PRKCE: variants seen among roughly 807,000 people sequenced by gnomAD.
PRKCE encodes protein kinase C epsilon, also known as protein kinase C epsilon type.
PRKCE carries 16 observed loss-of-function variants against 85.4 expected under a neutral mutation model. The observed-to-expected ratio is 0.19, with a 90% confidence interval of 0.13 to 0.28. The LOEUF (loss-of-function observed/expected upper bound fraction) is 0.28, where lower values mean the gene tolerates loss of function less well. Ranked by LOEUF, PRKCE falls within the 10% of genes least tolerant of loss-of-function variation. PRKCE has a pLI of 1.00. For missense variants in PRKCE, 573 were observed against 975.2 expected (o/e 0.59, Z 5.49); for synonymous variants, 388 against 371.5 (o/e 1.04, Z -0.51).
intron 8 of PRKCE, among the ~76,000 whole-genome samples, chr2:46,005,748 C>G (rs1705135172): frequency 1.3e-5 from 2 of 152,192 alleles, no homozygotes; most frequent in Admixed American, 6.5e-5. Flanking sequence ...AATAATTGGT[C>G]TCAGTCCCTC....
intron 10 of PRKCE, among the ~76,000 whole-genome samples, chr2:46,017,661 C>T (rs947841739): frequency 3.3e-5 from 5 of 152,206 alleles, no homozygotes; most frequent in African/African-American, 1.2e-4. Context: ...ATTTTACATT[C>T]CCATCAACAG....
chr2:46,119,851 G>A (rs955800492), intron 11 of PRKCE, among the ~76,000 whole-genome samples: 6 of 152,178 alleles, frequency 3.9e-5, no homozygotes, highest in Admixed American at 6.5e-5. Context: ...CTCAACTCCC[G>A]TTGCTAGAAT....
At chr2:45,973,851 T>C (rs1054634373) in intron 2 of PRKCE, among the ~76,000 whole-genome samples, 3 of 152,216 alleles carry the variant, frequency 2.0e-5, no homozygotes, top group African/African-American at 7.2e-5. Flanking sequence ...GAAAATTAGA[T>C]TGGACCCATC....
At chr2:46,023,840 C>A (rs1230835295) in intron 10 of PRKCE, among the ~76,000 whole-genome samples, 2 of 152,114 alleles carry the variant, frequency 1.3e-5, no homozygotes, top group African/African-American at 2.4e-5. Context: ...GGCCAGTCAC[C>A]ACCTTCAATT....
rs1371770598 is a variant in PRKCE, at chr2:45,652,501, G to A, written c.348+53G>A. On this transcript the variant is annotated intron_variant, in intron 1 of 14. Coordinates refer to ENST00000306156, the MANE Select transcript of PRKCE (RefSeq NM_005400.3). This position sits in a 1 kb window ranked among gnomAD's most constrained non-coding sequence, Gnocchi z 7.7. ...GGGAACCCGGTTGTGGGGTCCCGGG[G>A]AAAGACTCGCTGGTCTTGATCGTAG... 12 of 1,480,312 alleles carry A rather than the reference G, an allele frequency of 8.1e-6. No homozygotes were observed. Among genetic ancestry groups the A allele is most frequent in the Non-Finnish European group, 9.1e-6 (10 of 1,097,612 alleles). The allele number at this position is 1,480,312 out of a possible 1,614,324, so 91.7% of individuals were successfully genotyped here. A position where few individuals can be genotyped will look rare whatever the true frequency, so the allele number is the denominator to read the frequency against.
At chr2:45,979,704 T>TG (rs1160881191) in intron 4 of PRKCE, among the ~76,000 whole-genome samples, 1 of 152,136 alleles carries the variant, frequency 6.6e-6, no homozygotes, top group Non-Finnish European at 1.5e-5. Flanking sequence ...TGCTGTTCCT[T>TG]GGGGTAACAC....
intron 1 of PRKCE, among the ~76,000 whole-genome samples, chr2:45,716,718 G>GGAAA (rs1428322877): frequency 3.6e-5 from 2 of 54,968 alleles, no homozygotes; most frequent in African/African-American, 1.4e-4. Context: ...AAGGAAGGAA[G>GGAAA]GAAGGAAGGA....
rs1680443124 is a variant in PRKCE, at chr2:45,719,623, T to C, written c.348+67175T>C. On this transcript the variant is annotated intron_variant, in intron 1 of 14. Transcript: ENST00000306156. ...AATATGTATTTTGAGGTGTGGCACA[T>C]CTGAAATCTATGCACATAATACATG... 2.0e-5 allele frequency among the ~76,000 whole-genome samples: 3 copies of C among 152,148 alleles called. No homozygotes were observed. In the South Asian group the frequency reaches 6.2e-4, roughly 31 times the overall value.
At chr2:45,718,588 C>T (rs1292409787) in intron 1 of PRKCE, among the ~76,000 whole-genome samples, 1 of 152,024 alleles carries the variant, frequency 6.6e-6, no homozygotes, top group East Asian at 1.9e-4. Context: ...GTGATCGGCC[C>T]ACCTCGGCCT....
At chr2:46,045,952 C>T (rs1708498003) in intron 10 of PRKCE, among the ~76,000 whole-genome samples, 1 of 152,000 alleles carries the variant, frequency 6.6e-6, no homozygotes, top group Admixed American at 6.6e-5. Flanking sequence ...AGTGTGGGGC[C>T]CTGGTAGAGG....
At chr2:45,851,062 T>C (rs992797152) in intron 2 of PRKCE, among the ~76,000 whole-genome samples, 2 of 152,204 alleles carry the variant, frequency 1.3e-5, no homozygotes, top group Non-Finnish European at 2.9e-5. Context: ...GGAGCCTCCC[T>C]TCTGTTTGCA....
chr2:46,110,806 G>T (rs1672186823), intron 11 of PRKCE, among the ~76,000 whole-genome samples: 1 of 151,892 alleles, frequency 6.6e-6, no homozygotes, highest in East Asian at 1.9e-4. Flanking sequence ...AGTTTTTCTT[G>T]TTTTTTAATG....
rs768336171 is a variant in PRKCE at position 45,912,679 on chromosome 2, C to T, written c.413-63750C>T. ...TGGACTTAGGAACGCACCTTAGAAG[C>T]GCATCTCACCGAAAATCTGCACTGG... On this transcript the variant is annotated intron_variant, in intron 2 of 14. Transcript: ENST00000306156. 1.1e-4 allele frequency among the ~76,000 whole-genome samples: 16 copies of T among 152,182 alleles called. No homozygotes were observed. The South Asian group carries it at 1.2e-3, about 12-fold the overall frequency.
chr2:46,061,735 G>A (rs1667139695), intron 10 of PRKCE, among the ~76,000 whole-genome samples: 1 of 152,094 alleles, frequency 6.6e-6, no homozygotes, highest in African/African-American at 2.4e-5. Context: ...AATCAGGACT[G>A]GAAATCAAAG....
chr2:45,932,712 C>T (rs1699131791), intron 2 of PRKCE, among the ~76,000 whole-genome samples: 1 of 152,146 alleles, frequency 6.6e-6, no homozygotes, highest in Non-Finnish European at 1.5e-5. Flanking sequence ...TACTGGACAA[C>T]CATGACCACT....
chr2:46,063,433 G>T (rs1319389665), intron 10 of PRKCE, among the ~76,000 whole-genome samples: 1 of 151,834 alleles, frequency 6.6e-6, no homozygotes, highest in Non-Finnish European at 1.5e-5. Context: ...TTCCTACTTG[G>T]TGTTTTTGTT....
chr2:46,096,630 C>G lies in PRKCE; in HGVS notation c.1592+10268C>G, dbSNP rs374063762. 1.1e-4 allele frequency among the ~76,000 whole-genome samples: 17 copies of G among 152,308 alleles called. No homozygotes were observed. The East Asian group carries it at 3.1e-3, about 28-fold the overall frequency. ...CTTCTGCAAGCCAAGGAGAGAGACT[C>G]AAAAGAAACCAACCCTGCCAGCACC... On this transcript the variant is annotated intron_variant, in intron 11 of 14. Transcript: ENST00000306156.
intron 2 of PRKCE, among the ~76,000 whole-genome samples, chr2:45,966,321 C>T (rs1325443939): frequency 6.6e-6 from 1 of 152,116 alleles, no homozygotes; most frequent in East Asian, 1.9e-4. Flanking sequence ...TACTATCTCG[C>T]ACGTGTGTGA....
At chr2:46,156,844 T>G (rs1677255986) in intron 13 of PRKCE, among the ~76,000 whole-genome samples, 2 of 152,242 alleles carry the variant, frequency 1.3e-5, no homozygotes, top group Admixed American at 1.3e-4. Flanking sequence ...GGTCTCTGTC[T>G]CATCCTTGCT....
Sources: allele counts gnomAD v4.1 joint callset (sites outside exome capture counted in the v4.1 genomes callset), GRCh38; gene constraint gnomAD v4.1.1; non-coding constraint Gnocchi (gnomAD v3.1); transcripts MANE v1.5; gene names NCBI Gene and HGNC (gene_info 2026-07-23, HGNC 2026-07-21).